The following ANKRD10 variants were observed in gnomAD, a reference collection of about 807,000 sequenced individuals.
The protein encoded by ANKRD10 is ankyrin repeat domain-containing protein 10.
ANKRD10 carries 14 observed loss-of-function variants against 27.0 expected under a neutral mutation model. The observed-to-expected ratio is 0.52, with a 90% CI of 0.34 to 0.81. The LOEUF (loss-of-function observed/expected upper bound fraction) is 0.81. Among genes scored for constraint, ANKRD10 ranks in the 40% least tolerant of loss-of-function variants. ANKRD10 has a pLI of 0.01. For synonymous variants in ANKRD10, 250 were observed against 224.5 expected, an observed-to-expected ratio of 1.11 and a Z score of -1.01; for missense variants, 493 against 544.0, an observed-to-expected ratio of 0.91 and a Z score of 0.93.
chr13:110,896,465 C>G (rs1447103696), intron 3 of ANKRD10, among the ~76,000 whole-genome samples: 3 of 152,168 alleles, frequency 2.0e-5, no homozygotes, highest in Non-Finnish European at 4.4e-5. Context: ...CCCTGAAAGT[C>G]CTCATTCTCA....
rs1304422861 is a variant in ANKRD10 at position 110,879,529 on chromosome 13, T to C, written c.*108A>G. 8.3e-6 allele frequency: 7 copies of C among 846,256 alleles called. No individual in the cohort carries two copies. In the Admixed American group the frequency reaches 1.6e-4, roughly 19 times the overall value. 52.4% of individuals were successfully genotyped at this position (846,256 alleles called of 1,614,324 possible). On this transcript the variant is annotated 3_prime_UTR_variant, in exon 6 of 6. Transcript: ENST00000267339. Reference sequence around the variant, plus strand: ...TTTACTTTTTCAGAAAGTTGAAGTATATAAAAAACGTACAAGTTGTGACAT... The same window carrying C: ...TTTACTTTTTCAGAAAGTTGAAGTACATAAAAAACGTACAAGTTGTGACAT...
chr13:110,881,532 T>C (rs1248925165), intron 5 of ANKRD10, among the ~76,000 whole-genome samples: 1 of 152,172 alleles, frequency 6.6e-6, no homozygotes, highest in South Asian at 2.1e-4. Context: ...CAATAGATTT[T>C]TTTTCCCCCA....
Position 110,878,670 on chromosome 13 carries a change from G to A in ANKRD10, c.*967C>T, listed in dbSNP as rs2064756144. 6.6e-6 allele frequency: 1 copy of A among 152,600 alleles called. No individual in the cohort carries two copies. Among genetic ancestry groups the A allele is most frequent in the South Asian group, 2.1e-4 (1 of 4,834 alleles). The allele number at this position is 152,600 out of a possible 1,614,324, so 9.5% of individuals were successfully genotyped here. A position where few individuals can be genotyped will look rare whatever the true frequency, so the allele number is the denominator to read the frequency against. Reference sequence around the variant, plus strand: ...AATTTTTATTACAAAAATCAAAAAAGTAAAAATTCATTACAATATTTGCAG... The same window carrying A: ...AATTTTTATTACAAAAATCAAAAAAATAAAAATTCATTACAATATTTGCAG... On this transcript the variant is annotated 3_prime_UTR_variant, in exon 6 of 6. Coordinates refer to ENST00000267339, the MANE Select transcript of ANKRD10 (RefSeq NM_017664.4).
At chr13:110,882,284 G>A (rs185441589) in intron 5 of ANKRD10, among the ~76,000 whole-genome samples, 58 of 152,342 alleles carry the variant, frequency 3.8e-4, no homozygotes, top group Admixed American at 2.3e-3. Context: ...TTAAAGGAGA[G>A]CAGCCTGACT....
rs2065852928 is a variant in ANKRD10 at position 110,915,010 on chromosome 13, G to T, written c.-76C>A. On this transcript the variant is annotated 5_prime_UTR_variant, in exon 1 of 6. In the 5' UTR this introduces an upstream ATG that the reference lacks. Transcript: ENST00000267339. Reference sequence around the variant, plus strand: ...GAGGACTCGAGAAGCCGCCGCCGCAGCACAAAGGAACGAGACTAGCGCCGC... The same window carrying T: ...GAGGACTCGAGAAGCCGCCGCCGCATCACAAAGGAACGAGACTAGCGCCGC... The T allele has an allele frequency of 2.0e-6, 3 of 1,478,100 alleles. No individual in the cohort carries two copies. Among genetic ancestry groups the T allele is most frequent in the Non-Finnish European group, 1.8e-6 (2 of 1,119,468 alleles). 91.6% of individuals were successfully genotyped at this position (1,478,100 alleles called of 1,614,324 possible).
chr13:110,910,545 G>A, intron 2 of ANKRD10, 73 bp downstream of exon 2: 1 of 1,561,108 alleles, frequency 6.4e-7, no homozygotes, highest in African/African-American at 1.4e-5. Context: ...TCGATTTAAA[G>A]CAATACCGTG....
chr13:110,898,184 T>C (rs1406342771), intron 3 of ANKRD10, among the ~76,000 whole-genome samples: 1 of 152,192 alleles, frequency 6.6e-6, no homozygotes, highest in Non-Finnish European at 1.5e-5. Flanking sequence ...ATGTTCTAAG[T>C]GCCTTACAAT....
At chr13:110,910,949 C>T (rs2065682948) in intron 1 of ANKRD10, among the ~76,000 whole-genome samples, 179 bp from the exon 2 acceptor site, 1 of 152,162 alleles carries the variant, frequency 6.6e-6, no homozygotes, top group Admixed American at 6.5e-5. Context: ...ATAACATATT[C>T]CCTTGTCCTT....
intron 1 of ANKRD10, 22 bp downstream of exon 1, chr13:110,914,703 G>C: frequency 1.9e-6 from 3 of 1,550,932 alleles, no homozygotes; most frequent in Non-Finnish European, 2.6e-6. Context: ...GGAAAATGGC[G>C]CCTTAAAGCG....
intron 5 of ANKRD10, chr13:110,883,393 C>A: frequency 4.0e-6 from 2 of 505,682 alleles, no homozygotes; most frequent in South Asian, 7.5e-5. Context: ...ATAAAGATTG[C>A]ACTTACATTT....
At chr13:110,911,322 G>T (rs2065699396) in intron 1 of ANKRD10, among the ~76,000 whole-genome samples, 1 of 151,754 alleles carries the variant, frequency 6.6e-6, no homozygotes, top group African/African-American at 2.4e-5. Context: ...CGTGGTGGCG[G>T]GCACCTGTAA....
chr13:110,909,302 A>G (rs938316529), intron 2 of ANKRD10, among the ~76,000 whole-genome samples: 50 of 152,210 alleles, frequency 3.3e-4, no homozygotes, highest in African/African-American at 1.1e-3. Context: ...TGAGCCACAA[A>G]GTTAATGACT....
At chr13:110,897,465 GTATT>G (rs1355521483) in intron 3 of ANKRD10, among the ~76,000 whole-genome samples, 3 of 151,742 alleles carry the variant, frequency 2.0e-5, no homozygotes, top group Non-Finnish European at 4.4e-5. Flanking sequence ...AGTACATGGA[GTATT>G]TATCTTTCTG....
chr13:110,892,415 G>GAAAAAA (rs1381734881), intron 4 of ANKRD10, among the ~76,000 whole-genome samples: 10 of 2,590 alleles, frequency 3.9e-3, no homozygotes, highest in African/African-American at 4.9e-3. Flanking sequence ...GGGTGACAGA[G>GAAAAAA]CAAAAAAAAA....
At chr13:110,914,359 G>A (rs1445199378) in intron 1 of ANKRD10, 1 of 170,970 alleles carries the variant, frequency 5.8e-6, no homozygotes, top group Admixed American at 6.3e-5. Flanking sequence ...GGCCCGGCCT[G>A]GAGGGCCCCG....
At chr13:110,906,241 T>C in intron 2 of ANKRD10, 117 bp from the exon 3 acceptor site, 1 of 771,610 alleles carries the variant, frequency 1.3e-6, no homozygotes, top group African/African-American at 1.7e-5. Context: ...GTAAAACATG[T>C]TGAGCAAGAT....
rs576226664 is a variant in ANKRD10 at position 110,884,784 on chromosome 13, G to T, written c.692-991C>A. Among the ~76,000 whole-genome samples, 39 of 152,178 alleles carry T rather than the reference G, an allele frequency of 2.6e-4. 1 individual carries two copies. The South Asian group carries it at 7.9e-3, about 31-fold the overall frequency. ...CTCAGATACTTAGAATTATTTCTGG[G>T]CCAAAGAATATACACCACAAATAGC... On this transcript the variant is annotated intron_variant, in intron 4 of 5. Coordinates refer to ENST00000267339, the MANE Select transcript of ANKRD10 (RefSeq NM_017664.4).
chr13:110,898,164 T>C (rs1378509408), intron 3 of ANKRD10, among the ~76,000 whole-genome samples: 2 of 152,176 alleles, frequency 1.3e-5, no homozygotes, highest in Non-Finnish European at 2.9e-5. Context: ...AATTGAGTGT[T>C]TTTGGTTACA....
At chr13:110,892,808 T>C in intron 4 of ANKRD10, 1 of 1,321,798 alleles carries the variant, frequency 7.6e-7, no homozygotes, top group Non-Finnish European at 9.7e-7. Flanking sequence ...CATAGACATT[T>C]ACACTTGGGC....
Sources: allele counts gnomAD v4.1 joint callset (sites outside exome capture counted in the v4.1 genomes callset), GRCh38; gene constraint gnomAD v4.1.1; transcripts MANE v1.5; gene names NCBI Gene and HGNC (gene_info 2026-07-23, HGNC 2026-07-21).